LDB3: variants seen among roughly 807,000 people sequenced by gnomAD.
LDB3 encodes LIM domain-binding protein 3.
A neutral mutation model predicts 69.0 loss-of-function variants in LDB3; 49 were observed. The ratio of observed to expected loss-of-function variants is 0.71; its 90% CI spans 0.56 to 0.90. The LOEUF (loss-of-function observed/expected upper bound fraction) is 0.90, where lower values mean the gene tolerates loss of function less well. Ranked by LOEUF, LDB3 falls within the 40% of genes least tolerant of loss-of-function variation. The pLI is 0.00. For missense variants in LDB3, 928 were observed against 974.1 expected, an observed-to-expected ratio of 0.95 and a Z score of 0.63; for synonymous variants, 387 against 396.2, an observed-to-expected ratio of 0.98 and a Z score of 0.28.
chr10:86,685,524 T>G (rs961492211), intron 5 of LDB3, among the ~76,000 whole-genome samples: 2 of 152,290 alleles, frequency 1.3e-5, no homozygotes, highest in East Asian at 3.9e-4. Flanking sequence ...CGGCTCTGAG[T>G]TCTCCCTCCT....
chr10:86,681,561 C>T lies in LDB3; in HGVS notation c.447C>T (p.Pro149=), dbSNP rs1245240747. ...CCTTTAGCCCTGCCTTCTCCCGGCC[C>T]TCCGCCTTCTCCTCACTCGCCGAGG... The part of the protein sequence containing the change: ...RPTFSPAFSR[P]SAFSSLAEAS... The change falls in exon 5 of 14, where the codon CCC becomes CCT. Residue 149 remains proline (P), a synonymous_variant. Coordinates refer to ENST00000361373, the MANE Select transcript of LDB3 (RefSeq NM_007078.3). 3.7e-6 allele frequency: 6 copies of T among 1,612,914 alleles called. No individual in the cohort carries two copies. The Admixed American group carries it at 5.0e-5, about 13-fold the overall frequency.
At chr10:86,669,538 G>A (rs1844342048) in intron 2 of LDB3, among the ~76,000 whole-genome samples, 1 of 152,240 alleles carries the variant, frequency 6.6e-6, no homozygotes, top group African/African-American at 2.4e-5. Flanking sequence ...CAACACCAGA[G>A]AGGCAGAAAG....
chr10:86,704,419 C>CT (rs869228246), intron 7 of LDB3, among the ~76,000 whole-genome samples: 74 of 142,518 alleles, frequency 5.2e-4, no homozygotes, highest in Middle Eastern at 7.2e-3. Context: ...AGGGTAATTT[C>CT]TTTTTTTTTT....
At position 86,681,818 on chromosome 10, in the gene LDB3, T is replaced by C. The variant is rs375094467; in HGVS notation, c.689+15T>C. 3.9e-5 allele frequency: 62 copies of C among 1,580,376 alleles called. No individual in the cohort carries two copies. Among genetic ancestry groups the C allele is most frequent in the Admixed American group, 5.5e-5 (3 of 54,790 alleles). Reference sequence around the variant, plus strand: ...CTCCCAGGAGGGTAGGTAACGGACATACAGCTCTCCACAGGTGGCCTGGGC... The same window carrying C: ...CTCCCAGGAGGGTAGGTAACGGACACACAGCTCTCCACAGGTGGCCTGGGC... On this transcript the variant is annotated intron_variant, in intron 5 of 13. Transcript: ENST00000361373.
chr10:86,674,004 C>A (rs10887642), intron 2 of LDB3, among the ~76,000 whole-genome samples: 37,598 of 152,126 alleles, frequency 0.25, 5,526 homozygotes, highest in South Asian at 0.42. Flanking sequence ...TCCCCTCCCC[C>A]CAACACCCAG....
chr10:86,724,243 C>T (rs980844576), intron 12 of LDB3, among the ~76,000 whole-genome samples: 1 of 151,314 alleles, frequency 6.6e-6, no homozygotes, highest in Admixed American at 6.6e-5. Context: ...CCCTGGGAGG[C>T]AGAGGTTGCA....
intron 10 of LDB3, among the ~76,000 whole-genome samples, chr10:86,717,320 A>C (rs1193573794): frequency 4.6e-5 from 7 of 152,194 alleles, no homozygotes; most frequent in African/African-American, 1.7e-4. Context: ...TGAAAAATAC[A>C]CTTTTATTTA....
At chr10:86,687,611 C>A (rs567376528) in intron 5 of LDB3, among the ~76,000 whole-genome samples, 1 of 152,356 alleles carries the variant, frequency 6.6e-6, no homozygotes, top group South Asian at 2.1e-4. Flanking sequence ...TGGAGGCCCC[C>A]AGGCCTCTCA....
At chr10:86,682,948 C>G (rs941230093) in intron 5 of LDB3, among the ~76,000 whole-genome samples, 5 of 152,174 alleles carry the variant, frequency 3.3e-5, no homozygotes, top group African/African-American at 1.2e-4. Flanking sequence ...CCCACCCCCC[C>G]AGCTCTTTCT....
intron 9 of LDB3, among the ~76,000 whole-genome samples, chr10:86,715,420 C>T (rs1193622517): frequency 2.0e-5 from 3 of 152,118 alleles, no homozygotes; most frequent in African/African-American, 4.8e-5. Flanking sequence ...AGGGCCCAGG[C>T]GGGAGAGGGC....
intron 2 of LDB3, among the ~76,000 whole-genome samples, chr10:86,675,159 G>A (rs1844720967): frequency 6.6e-6 from 1 of 151,432 alleles, no homozygotes; most frequent in Non-Finnish European, 1.5e-5. Context: ...ACCCCAGGAG[G>A]CTGAGCTCTC....
intron 2 of LDB3, among the ~76,000 whole-genome samples, chr10:86,675,403 C>T (rs1844739630): frequency 6.6e-6 from 1 of 152,258 alleles, no homozygotes. Flanking sequence ...TGCCCTTGCT[C>T]ATGCTGTCAT....
At chr10:86,693,084 GA>G (rs11422538) in intron 7 of LDB3, among the ~76,000 whole-genome samples, 21 of 151,010 alleles carry the variant, frequency 1.4e-4, no homozygotes, top group African/African-American at 4.9e-4. Flanking sequence ...AATAGTTGCT[GA>G]AAAAAAAAGA....
intron 7 of LDB3, among the ~76,000 whole-genome samples, chr10:86,697,412 G>A (rs1846050020): frequency 6.6e-6 from 1 of 151,068 alleles, no homozygotes; most frequent in African/African-American, 2.4e-5. Flanking sequence ...GTAGAGATGG[G>A]GTTTCACCAT....
At chr10:86,689,664 G>A (rs1018400386) in intron 5 of LDB3, among the ~76,000 whole-genome samples, 1 of 152,180 alleles carries the variant, frequency 6.6e-6, no homozygotes, top group African/African-American at 2.4e-5. Flanking sequence ...GCTAGAAGGT[G>A]ACAAGGTAAC....
Position 86,733,678 on chromosome 10 carries a change from C to T in LDB3, c.*702C>T, listed in dbSNP as rs1313415385. 6.6e-6 allele frequency: 1 copy of T among 152,292 alleles called. No individual in the cohort carries two copies. The highest frequency in any genetic ancestry group is 1.5e-5 in the Non-Finnish European group (1 of 68,134). The allele number at this position is 152,292 out of a possible 1,614,324, so 9.4% of individuals were successfully genotyped here. ...TGAGAAAAGATGGCCCTGTCAGCCA[C>T]CCTCTCTCAGTCTGAAACATCCAAC... is the stretch of plus-strand genomic sequence containing the variant. On this transcript the variant is annotated 3_prime_UTR_variant, in exon 14 of 14. Transcript: ENST00000361373.
In LDB3 at chr10:86,735,420, T is replaced by G. The variant is rs1318102228; in HGVS notation, c.*2444T>G. 2.0e-5 allele frequency: 3 copies of G among 152,146 alleles called. No homozygotes were observed. Among genetic ancestry groups the G allele is most frequent in the African/African-American group, 7.2e-5 (3 of 41,428 alleles). The allele number at this position is 152,146 out of a possible 1,614,324, so 9.4% of individuals were successfully genotyped here. A position where few individuals can be genotyped will look rare whatever the true frequency, so the allele number is the denominator to read the frequency against. Reference sequence around the variant, plus strand: ...GTCCTACAACACTAAACAAAATTTTTCATAATCCATGGTGGGGAGCACACT... The same window carrying G: ...GTCCTACAACACTAAACAAAATTTTGCATAATCCATGGTGGGGAGCACACT... On this transcript the variant is annotated 3_prime_UTR_variant, in exon 14 of 14. Coordinates refer to ENST00000361373, the MANE Select transcript of LDB3 (RefSeq NM_007078.3).
Position 86,716,759 on chromosome 10 carries a change from A to G in LDB3, c.1664A>G (p.Asn555Ser), listed in dbSNP as rs760635362. The change falls in exon 10 of 14, where the codon AAC (asparagine) becomes AGC (serine). Residue 555 changes from asparagine (N) to serine (S), a missense_variant. Coordinates refer to ENST00000361373, the MANE Select transcript of LDB3 (RefSeq NM_007078.3). ...SSRTPLCGHC[N>S]NVIRGPFLVA... Reference sequence around the variant, plus strand: ...CGGACTCCACTCTGCGGTCACTGCAACAATGTCATCCGGTATGGTCCAGCT... The same window carrying G: ...CGGACTCCACTCTGCGGTCACTGCAGCAATGTCATCCGGTATGGTCCAGCT... 21 of 1,610,094 alleles carry G rather than the reference A, an allele frequency of 1.3e-5. No homozygotes were observed. Among genetic ancestry groups the G allele is most frequent in the Non-Finnish European group, 1.8e-5 (21 of 1,178,562 alleles).
In LDB3 at chr10:86,709,984, G is replaced by C. The variant is rs924634578; in HGVS notation, c.1165G>C (p.Ala389Pro). 1 of 1,613,010 alleles carries C rather than the reference G, an allele frequency of 6.2e-7. No homozygotes were observed. The highest frequency in any genetic ancestry group is 2.2e-5 in the East Asian group (1 of 44,872). Reference sequence around the variant, plus strand: ...CCACACCAGCTACAGTGAGGGCCCCGCCGCCCCTGCACCCAAGCCCCGGGT... The same window carrying C: ...CCACACCAGCTACAGTGAGGGCCCCCCCGCCCCTGCACCCAAGCCCCGGGT... ...ATHTSYSEGP[A>P]APAPKPRVVT... The change falls in exon 9 of 14, where the codon GCC (alanine) becomes CCC (proline). Residue 389 changes from alanine (A) to proline (P), a missense_variant. Physicochemically the swap from Ala to Pro is conservative, Grantham distance 27 (BLOSUM62 -1). Transcript: ENST00000361373.
Sources: allele counts gnomAD v4.1 joint callset (sites outside exome capture counted in the v4.1 genomes callset), GRCh38; gene constraint gnomAD v4.1.1; transcripts MANE v1.5; gene names NCBI Gene and HGNC (gene_info 2026-07-23, HGNC 2026-07-21).